The following RALGPS1 variants were observed in gnomAD, a reference collection of about 807,000 sequenced individuals.
RALGPS1 encodes the protein Ral GEF with PH domain and SH3 binding motif 1.
Under a neutral mutation model 78.8 loss-of-function variants are expected in RALGPS1, and 19 were observed. The ratio of observed to expected loss-of-function variants is 0.24; its 90% CI spans 0.17 to 0.35. RALGPS1 has a LOEUF of 0.35. Ranked by LOEUF, RALGPS1 falls within the 10% of genes least tolerant of loss-of-function variation. RALGPS1 has a pLI of 1.00. For missense variants in RALGPS1, 454 were observed against 688.3 expected (o/e 0.66, Z 3.81); for synonymous variants, 228 against 256.3 (o/e 0.89, Z 1.06).
chr9:127,008,175 G>A (rs1257256206), intron 4 of RALGPS1, among the ~76,000 whole-genome samples: 1 of 151,842 alleles, frequency 6.6e-6, no homozygotes, highest in African/African-American at 2.4e-5. Context: ...GGTGGGGCGG[G>A]TATGTGCAGA....
At chr9:126,976,652 C>A (rs1160799991) in intron 3 of RALGPS1, among the ~76,000 whole-genome samples, 2 of 152,196 alleles carry the variant, frequency 1.3e-5, no homozygotes, top group Non-Finnish European at 2.9e-5. Flanking sequence ...CACCCAAGCC[C>A]TGTAGACTCC....
intron 1 of RALGPS1, among the ~76,000 whole-genome samples, chr9:126,918,908 G>A (rs962280557): frequency 1.3e-5 from 2 of 152,094 alleles, no homozygotes; most frequent in Non-Finnish European, 2.9e-5. Context: ...GACCTCAGGT[G>A]ATCCGCCTGC....
chr9:127,218,847 C>T lies in RALGPS1; in HGVS notation c.*78C>T, dbSNP rs1324211090. ...CCTGGTGGTGAAGAGCAGTCCTGGG[C>T]ACAGGCTGTGAGCCAGGGTGCTGGG... On this transcript the variant is annotated 3_prime_UTR_variant, in exon 19 of 19. Transcript: ENST00000259351. The surrounding 1 kb of genome is among the most constrained non-coding windows in gnomAD (Gnocchi z 4.4). The T allele has an allele frequency of 5.3e-6, 8 of 1,496,734 alleles. No homozygotes were observed. Among genetic ancestry groups the T allele is most frequent in the Non-Finnish European group, 7.5e-6 (8 of 1,073,528 alleles). 92.7% of individuals were successfully genotyped at this position (1,496,734 alleles called of 1,614,324 possible).
intron 4 of RALGPS1, among the ~76,000 whole-genome samples, chr9:126,981,265 G>A (rs991194099): frequency 2.9e-4 from 44 of 152,232 alleles, no homozygotes; most frequent in African/African-American, 1.0e-3. Flanking sequence ...GTTCCAGGTT[G>A]TGGGATTAGC....
At chr9:126,991,757 G>T (rs539967183) in intron 4 of RALGPS1, among the ~76,000 whole-genome samples, 1 of 152,338 alleles carries the variant, frequency 6.6e-6, no homozygotes, top group South Asian at 2.1e-4. Flanking sequence ...ATCTCATAGT[G>T]TTATGATGGT....
chr9:127,132,194 T>C (rs2138249740), intron 8 of RALGPS1, among the ~76,000 whole-genome samples: 1 of 152,306 alleles, frequency 6.6e-6, no homozygotes, highest in Admixed American at 6.5e-5. Flanking sequence ...CTCTTCTGAG[T>C]GTCATTGACC....
chr9:126,995,323 G>A (rs2042637717), intron 4 of RALGPS1, among the ~76,000 whole-genome samples: 1 of 152,094 alleles, frequency 6.6e-6, no homozygotes, highest in African/African-American at 2.4e-5. Flanking sequence ...TCAAAATAAA[G>A]GGATAGAGGA....
chr9:126,951,790 A>T (rs1358972004), intron 1 of RALGPS1, among the ~76,000 whole-genome samples: 1 of 152,220 alleles, frequency 6.6e-6, no homozygotes, highest in Admixed American at 6.5e-5. Context: ...CACCACTCCT[A>T]TTCAACATAG....
At chr9:127,065,579 T>G (rs1234018044) in intron 7 of RALGPS1, among the ~76,000 whole-genome samples, 1 of 152,186 alleles carries the variant, frequency 6.6e-6, no homozygotes, top group Admixed American at 6.5e-5. Context: ...CTACCAGATA[T>G]CTAAGTAATC....
At chr9:127,165,927 G>C in intron 8 of RALGPS1, 142 bp from the exon 9 acceptor site, 1 of 1,274,444 alleles carries the variant, frequency 7.8e-7, no homozygotes, top group Non-Finnish European at 1.0e-6. Flanking sequence ...TAGTAATCAG[G>C]ATTGGAATTA....
chr9:126,919,913 G>A (rs2034578343), intron 1 of RALGPS1, among the ~76,000 whole-genome samples: 1 of 152,180 alleles, frequency 6.6e-6, no homozygotes, highest in Non-Finnish European at 1.5e-5. Context: ...GCAGGGAACA[G>A]TGACTTCTCC....
At chr9:127,009,065 G>A (rs886306439) in intron 4 of RALGPS1, among the ~76,000 whole-genome samples, 2 of 152,308 alleles carry the variant, frequency 1.3e-5, no homozygotes. Flanking sequence ...ATTTTTCACT[G>A]CACCACAGTG....
intron 8 of RALGPS1, chr9:127,107,779 G>T: frequency 1.1e-6 from 1 of 876,130 alleles, no homozygotes; most frequent in East Asian, 2.7e-5. Context: ...TCAGCCCAAG[G>T]GATTGCTGGG....
At chr9:126,924,277 T>A (rs1182624081) in intron 1 of RALGPS1, among the ~76,000 whole-genome samples, 8 of 152,244 alleles carry the variant, frequency 5.3e-5, no homozygotes, top group Non-Finnish European at 1.5e-5. Flanking sequence ...GCAGTGTGAC[T>A]GTATAGGAAA....
At chr9:127,101,136 C>T (rs1050798536) in intron 8 of RALGPS1, among the ~76,000 whole-genome samples, 4 of 152,222 alleles carry the variant, frequency 2.6e-5, no homozygotes, top group Non-Finnish European at 4.4e-5. Context: ...TTTCAGTGTT[C>T]CCAAAATGCT....
At chr9:127,106,692 C>T (rs923506071) in intron 8 of RALGPS1, among the ~76,000 whole-genome samples, 3 of 152,194 alleles carry the variant, frequency 2.0e-5, no homozygotes, top group African/African-American at 7.2e-5. Context: ...GCAGTGGATG[C>T]TCACTTTGCA....
chr9:127,163,575 G>A (rs181636859), intron 8 of RALGPS1, among the ~76,000 whole-genome samples: 49 of 152,304 alleles, frequency 3.2e-4, no homozygotes, highest in Non-Finnish European at 5.0e-4. Flanking sequence ...AAAAGCAGAC[G>A]AATGACTCAT....
intron 8 of RALGPS1, among the ~76,000 whole-genome samples, chr9:127,109,037 A>G (rs1056730073): frequency 1.3e-5 from 2 of 151,930 alleles, no homozygotes; most frequent in African/African-American, 4.8e-5. Flanking sequence ...TGGCCCTGCT[A>G]CTCCCAGAGC....
chr9:127,008,182 C>T (rs1293445009), intron 4 of RALGPS1, among the ~76,000 whole-genome samples: 1 of 150,882 alleles, frequency 6.6e-6, no homozygotes, highest in African/African-American at 2.4e-5. Flanking sequence ...CGGGTATGTG[C>T]AGAATTTGGT....
Sources: allele counts gnomAD v4.1 joint callset (sites outside exome capture counted in the v4.1 genomes callset), GRCh38; gene constraint gnomAD v4.1.1; non-coding constraint Gnocchi (gnomAD v3.1); transcripts MANE v1.5; gene names NCBI Gene and HGNC (gene_info 2026-07-23, HGNC 2026-07-21).